Variants in LTBR observed in about 807,000 individuals in gnomAD.
LTBR encodes lymphotoxin beta receptor.
In LTBR, 15 loss-of-function variants were observed where a neutral mutation model predicts 45.4. That is an observed-to-expected ratio of 0.33 (90% CI 0.22 to 0.51). The LOEUF is 0.51. LTBR is among the 20% of genes least tolerant of loss of function. The probability of loss-of-function intolerance (pLI) is 0.97; values close to 1 mark genes in which losing one functional copy is unlikely to be tolerated. For missense variants in LTBR, 450 were observed against 565.5 expected (o/e 0.80, Z 2.07); for synonymous variants, 228 against 231.0 (o/e 0.99, Z 0.12).
intron 4 of LTBR, 66 bp downstream of exon 4, chr12:6,385,445 A>G (rs2136928843): frequency 1.3e-6 from 2 of 1,587,856 alleles, no homozygotes; most frequent in Admixed American, 1.7e-5. Context: ...AAGTGGGAGC[A>G]GGGAATATGG....
chr12:6,384,089 C>T, upstream of LTBR: 1 of 1,259,888 alleles, frequency 7.9e-7, no homozygotes, highest in Non-Finnish European at 1.0e-6. Context: ...GTTCCTCTTC[C>T]CTGGGCTGCG....
Position 6,386,300 on chromosome 12 carries a change from T to TG in LTBR, c.570-45dup, listed in dbSNP as rs777202081. The TG allele has an allele frequency of 1.3e-6, 2 of 1,564,558 alleles. No homozygotes were observed. Among genetic ancestry groups the TG allele is most frequent in the South Asian group, 2.2e-5 (2 of 89,784 alleles). The stretch of plus-strand genomic sequence containing the variant: ...CGCCTGCCCAGTGGAGTCGGGACAC[T>TG]GGTGGGCCAGGGCGTGAAAAGGTCA... On this transcript the variant is annotated intron_variant, in intron 5 of 9. Transcript: ENST00000228918. This position sits in a 1 kb window ranked among gnomAD's most constrained non-coding sequence, Gnocchi z 4.1.
rs1385627893 is a variant in LTBR, at chr12:6,390,059, A to T, written c.802-53A>T. The T allele has an allele frequency of 2.5e-6, 3 of 1,186,622 alleles. No homozygotes were observed. The African/African-American group carries it at 4.6e-5, about 18-fold the overall frequency. The allele number at this position is 1,186,622 out of a possible 1,614,324, so 73.5% of individuals were successfully genotyped here. A position where few individuals can be genotyped will look rare whatever the true frequency, so the allele number is the denominator to read the frequency against. ...AAGAAGAGGGAGGGAGGGAGAGAGA[A>T]AAAAGGGTCTGGGGCCCTCATCATT... is the stretch of plus-strand genomic sequence containing the variant. On this transcript the variant is annotated intron_variant, in intron 8 of 9. Transcript: ENST00000228918.
chr12:6,387,630 A>G, intron 6 of LTBR: 1 of 227,278 alleles, frequency 4.4e-6, no homozygotes, highest in South Asian at 4.2e-5. Context: ...AATGCCCAGC[A>G]TAGAAATGCG....
chr12:6,385,617 A>T (rs1218503340), intron 4 of LTBR: 1 of 564,920 alleles, frequency 1.8e-6, no homozygotes, highest in East Asian at 3.1e-5. Flanking sequence ...GCAAAATGGT[A>T]GGCAGTAGGC....
At chr12:6,375,925 GAGAT>G in intron 1 of LTBR, 2 of 1,131,618 alleles carry the variant, frequency 1.8e-6, no homozygotes, top group Non-Finnish European at 2.2e-6. Context: ...GAAGGACAGA[GAGAT>G]AGGGATGGAG....
chr12:6,380,689 C>CAAA (rs768898177), upstream of LTBR, among the ~76,000 whole-genome samples: 2 of 84,320 alleles, frequency 2.4e-5, no homozygotes, highest in Non-Finnish European at 2.5e-5. Flanking sequence ...GACTCTGTCT[C>CAAA]AAAAAAAAAA....
chr12:6,386,268 G>C lies in LTBR; in HGVS notation c.570-79G>C. ...CCACGGACTCGACTCACCACTTTCA[G>C]CCTCCCCGCCTGCCCAGTGGAGTCG... On this transcript the variant is annotated intron_variant, in intron 5 of 9. Transcript: ENST00000228918. The surrounding 1 kb of genome is among the most constrained non-coding windows in gnomAD (Gnocchi z 4.1). 1 of 1,489,094 alleles carries C rather than the reference G, an allele frequency of 6.7e-7. No homozygotes were observed. The highest frequency in any genetic ancestry group is 1.1e-5 in the South Asian group (1 of 87,958). The allele number at this position is 1,489,094 out of a possible 1,614,324, so 92.2% of individuals were successfully genotyped here. A position where few individuals can be genotyped will look rare whatever the true frequency, so the allele number is the denominator to read the frequency against.
At chr12:6,377,450 C>T in intron 1 of LTBR, 1 of 668,848 alleles carries the variant, frequency 1.5e-6, no homozygotes, top group Non-Finnish European at 2.5e-6. Context: ...CCATTTACTT[C>T]CTGAGACAGA....
chr12:6,384,218 C>T lies in LTBR; in HGVS notation c.-141C>T, dbSNP rs1198767093. ...CCTGGAGGCCCGGCCTGGCCGCTCCCGGCCCTGGGGTGCACATCGGCCCTG... is the reference window on the plus strand; with the variant it reads ...CCTGGAGGCCCGGCCTGGCCGCTCCTGGCCCTGGGGTGCACATCGGCCCTG... On this transcript the variant is annotated 5_prime_UTR_variant, in exon 1 of 10. Coordinates refer to ENST00000228918, the MANE Select transcript of LTBR (RefSeq NM_002342.3). 3 of 1,321,018 alleles carry T rather than the reference C, an allele frequency of 2.3e-6. No homozygotes were observed. Among genetic ancestry groups the T allele is most frequent in the African/African-American group, 3.1e-5 (2 of 64,742 alleles). 81.8% of individuals were successfully genotyped at this position (1,321,018 alleles called of 1,614,324 possible).
intron 4 of LTBR, 167 bp from the exon 5 acceptor site, chr12:6,385,899 C>T (rs1286442964): frequency 1.1e-4 from 53 of 465,540 alleles, no homozygotes; most frequent in Middle Eastern, 9.8e-4. Flanking sequence ...AGCAAGACTC[C>T]GTCTCAAAAA....
At chr12:6,385,527 G>A in intron 4 of LTBR, 148 bp downstream of exon 4, 3 of 962,034 alleles carry the variant, frequency 3.1e-6, no homozygotes, top group South Asian at 1.6e-5. Context: ...GAGGCTCACA[G>A]AAGGGTTCTG....
At chr12:6,379,816 C>T (rs982715703), upstream of LTBR, among the ~76,000 whole-genome samples, 1 of 151,834 alleles carries the variant, frequency 6.6e-6, no homozygotes, top group African/African-American at 2.4e-5. Flanking sequence ...GCCTGTAGTC[C>T]CAGCTACTCG....
upstream of LTBR, among the ~76,000 whole-genome samples, chr12:6,380,402 C>T (rs887853167): frequency 6.6e-6 from 1 of 152,136 alleles, no homozygotes; most frequent in Non-Finnish European, 1.5e-5. Context: ...CATTCCTGGC[C>T]GGGTACAGTG....
At chr12:6,377,182 C>G (rs1948926823) in intron 1 of LTBR, 2 of 1,340,516 alleles carry the variant, frequency 1.5e-6, no homozygotes, top group Non-Finnish European at 2.1e-6. Flanking sequence ...TCTCTTGCGG[C>G]AGTCTCTTGC....
At chr12:6,382,463 G>A (rs56983450), upstream of LTBR, among the ~76,000 whole-genome samples, 13,417 of 152,216 alleles carry the variant, frequency 0.088, 1,027 homozygotes, top group African/African-American at 0.2. Context: ...ACCTAGGGTC[G>A]CTACACACAC....
chr12:6,385,201 C>T (rs1405180974), intron 3 of LTBR, 26 bp from the exon 4 acceptor site: 5 of 1,614,152 alleles, frequency 3.1e-6, no homozygotes, highest in Non-Finnish European at 1.7e-6. Context: ...TTGGCCCCTC[C>T]CTGAGCCCTC....
At chr12:6,389,110 A>T (rs1356180718) in intron 8 of LTBR, 5 of 348,376 alleles carry the variant, frequency 1.4e-5, no homozygotes, top group Non-Finnish European at 2.7e-5. Flanking sequence ...GAAGGGGTCA[A>T]TGAGTGACAG....
upstream of LTBR, chr12:6,375,187 C>G: frequency 4.1e-6 from 6 of 1,451,696 alleles, no homozygotes; most frequent in Non-Finnish European, 5.4e-6. Context: ...TGTGTCTCAG[C>G]TCCTGCCTCT....
Sources: allele counts gnomAD v4.1 joint callset (sites outside exome capture counted in the v4.1 genomes callset), GRCh38; gene constraint gnomAD v4.1.1; non-coding constraint Gnocchi (gnomAD v3.1); transcripts MANE v1.5; gene names NCBI Gene and HGNC (gene_info 2026-07-23, HGNC 2026-07-21).